DERPC: variants seen among roughly 807,000 people sequenced by gnomAD.
DERPC encodes decreased expression in renal and prostate cancer protein.
In DERPC, 1 loss-of-function variant was observed where a neutral mutation model predicts 7.2. That is an observed-to-expected ratio of 0.14 (90% CI 0.05 to 0.66). The LOEUF (loss-of-function observed/expected upper bound fraction) is 0.66. DERPC is among the 30% of genes least tolerant of loss of function. DERPC has a pLI of 0.84. For missense variants in DERPC, 502 were observed against 299.4 expected (o/e 1.68, Z -4.99); for synonymous variants, 185 against 117.6 (o/e 1.57, Z -3.71).
At position 69,118,398 on chromosome 16, in the gene DERPC, C is replaced by G; in HGVS notation, c.*456G>C. 6.2e-7 allele frequency: 1 copy of G among 1,613,126 alleles called. No homozygotes were observed. The highest frequency in any genetic ancestry group is 8.5e-7 in the Non-Finnish European group (1 of 1,179,126). ...GCAGTAGAGGATGACCAGGTCCAAG[C>G]TGCCCAGGTCAGAGCTACGGAAGCA... is the stretch of plus-strand genomic sequence containing the variant. On this transcript the variant is annotated 3_prime_UTR_variant, in exon 3 of 3. Transcript: ENST00000519520.
rs867105113 is a variant in DERPC at position 69,132,319 on chromosome 16, C to T, written c.-280+165G>A. 1.5e-3 allele frequency among the ~76,000 whole-genome samples: 218 copies of T among 147,366 alleles called. 1 individual carries two copies. Among genetic ancestry groups the T allele is most frequent in the Middle Eastern group, 0.014 (4 of 282 alleles). On this transcript the variant is annotated intron_variant, in intron 1 of 2. Transcript: ENST00000519520. The stretch of plus-strand genomic sequence containing the variant: ...GCCCTCCCCCTTCCCGGCCACCCCT[C>T]CCCCGCCCGCGCTCCCCGCCCCTCG...
Position 69,119,498 on chromosome 16 carries a change from C to T in DERPC, c.931G>A (p.Gly311Ser). 1.4e-6 allele frequency: 1 copy of T among 703,038 alleles called. No individual in the cohort carries two copies. Among genetic ancestry groups the T allele is most frequent in the South Asian group, 1.5e-5 (1 of 67,598 alleles). 43.5% of individuals were successfully genotyped at this position (703,038 alleles called of 1,614,324 possible). The stretch of plus-strand genomic sequence containing the variant: ...GGACCCGAGTTTGGGCCCATGGGGC[C>T]AGGTACTCTTGCCATGGAGGATGGG... ...TSPSSMARVP[G>S]PMGPNSGPSS... Residue 311 changes from glycine to serine, a missense_variant, in exon 3 of 3, where the codon GGC (glycine) becomes AGC (serine). Coordinates refer to ENST00000519520, the MANE Select transcript of DERPC (RefSeq NM_001002847.4).
intron 1 of DERPC, among the ~76,000 whole-genome samples, chr16:69,122,365 C>CTT (rs869246617): frequency 1.2e-4 from 17 of 140,430 alleles, no homozygotes; most frequent in Non-Finnish European, 1.7e-4. Flanking sequence ...TAAGGATATT[C>CTT]TTTTTTTTTT....
Position 69,125,210 on chromosome 16 carries a change from C to T in DERPC, c.-279-3717G>A, listed in dbSNP as rs543986814. ...TGAGTCATTGCGCCCGGCCAACTCA[C>T]TAGACTTTTTAAATTCAAATATAAG... On this transcript the variant is annotated intron_variant, in intron 1 of 2. Coordinates refer to ENST00000519520, the MANE Select transcript of DERPC (RefSeq NM_001002847.4). Among the ~76,000 whole-genome samples the T allele has an allele frequency of 3.9e-5, 6 of 152,294 alleles. No individual in the cohort carries two copies. The South Asian group carries it at 1.2e-3, about 32-fold the overall frequency.
At chr16:69,123,168 T>C (rs1310189403) in intron 1 of DERPC, among the ~76,000 whole-genome samples, 1 of 152,132 alleles carries the variant, frequency 6.6e-6, no homozygotes, top group Non-Finnish European at 1.5e-5. Context: ...GTGATCCTCC[T>C]ACCTCAGCTT....
Position 69,120,192 on chromosome 16 carries a change from CAATGAGCCT to C in DERPC, c.228_236del (p.Gly77_Leu79del), listed in dbSNP as rs1961529236. 1.4e-6 allele frequency: 1 copy of C among 701,990 alleles called. No homozygotes were observed. The highest frequency in any genetic ancestry group is 1.7e-5 in the African/African-American group (1 of 57,216). 43.5% of individuals were successfully genotyped at this position (701,990 alleles called of 1,614,324 possible). On this transcript the variant is annotated inframe_deletion, in exon 3 of 3. Transcript: ENST00000519520. The surrounding 1 kb of genome is among the most constrained non-coding windows in gnomAD (Gnocchi z 4.0). ...CCGGGAAAGGTGCTGGATTTGAAGC[CAATGAGCCT>C]GATGAAGCTGGAAAAGGAGATGGGT...
Position 69,121,293 on chromosome 16 carries a change from CA to C in DERPC, c.-222+142del, listed in dbSNP as rs2152266925. 3 of 1,213,184 alleles carry C rather than the reference CA, an allele frequency of 2.5e-6. No homozygotes were observed. The Admixed American group carries it at 6.4e-5, about 26-fold the overall frequency. 75.2% of individuals were successfully genotyped at this position (1,213,184 alleles called of 1,614,324 possible). A position where few individuals can be genotyped will look rare whatever the true frequency, so the allele number is the denominator to read the frequency against. ...GATGTCAAGTTCTTGGGAAATTGGG[CA>C]GTGCTAGGCATGGAACTAGAGATCA... On this transcript the variant is annotated intron_variant, in intron 2 of 2. Coordinates refer to ENST00000519520, the MANE Select transcript of DERPC (RefSeq NM_001002847.4).
intron 1 of DERPC, among the ~76,000 whole-genome samples, chr16:69,122,100 A>C (rs1254273121): frequency 6.6e-6 from 1 of 151,998 alleles, no homozygotes; most frequent in Non-Finnish European, 1.5e-5. Flanking sequence ...ACTAATATTT[A>C]TTACTTACTG....
chr16:69,129,939 T>C (rs1163623937), intron 1 of DERPC, among the ~76,000 whole-genome samples: 1 of 152,256 alleles, frequency 6.6e-6, no homozygotes, highest in Non-Finnish European at 1.5e-5. Flanking sequence ...TTGAAACTTT[T>C]AGAAAAATCT....
rs2152266508 is a variant in DERPC at position 69,120,733 on chromosome 16, G to T, written c.-221-84C>A. On this transcript the variant is annotated intron_variant, in intron 2 of 2. Coordinates refer to ENST00000519520, the MANE Select transcript of DERPC (RefSeq NM_001002847.4). The surrounding 1 kb of genome is among the most constrained non-coding windows in gnomAD (Gnocchi z 4.0). Reference sequence around the variant, plus strand: ...CGCCTCCTAAAGCTGCTCTTGGCAGGCTATGCTGGCACCTCCAATCCCTGG... The same window carrying T: ...CGCCTCCTAAAGCTGCTCTTGGCAGTCTATGCTGGCACCTCCAATCCCTGG... 1.7e-6 allele frequency: 2 copies of T among 1,192,388 alleles called. No homozygotes were observed. The highest frequency in any genetic ancestry group is 2.4e-6 in the Non-Finnish European group (2 of 827,302). 73.9% of individuals were successfully genotyped at this position (1,192,388 alleles called of 1,614,324 possible). A position where few individuals can be genotyped will look rare whatever the true frequency, so the allele number is the denominator to read the frequency against.
In DERPC at chr16:69,120,652, T is replaced by C. The variant is rs1961584365; in HGVS notation, c.-221-3A>G. The stretch of plus-strand genomic sequence containing the variant: ...CCCACGATCAGCACAGGGATTCCCT[T>C]TGGCAGAACAAGAACGAGATTCCTG... On this transcript the variant is annotated splice_region_variant and splice_polypyrimidine_tract_variant and intron_variant, in intron 2 of 2. Transcript: ENST00000519520. This position sits in a 1 kb window ranked among gnomAD's most constrained non-coding sequence, Gnocchi z 4.0. 6.2e-7 allele frequency: 1 copy of C among 1,604,276 alleles called. No individual in the cohort carries two copies. The highest frequency in any genetic ancestry group is 8.5e-7 in the Non-Finnish European group (1 of 1,172,284).
In DERPC at chr16:69,132,501, G is replaced by A; in HGVS notation, c.-297C>T. The A allele has an allele frequency of 3.7e-6, 1 of 268,602 alleles. No homozygotes were observed. Among genetic ancestry groups the A allele is most frequent in the Non-Finnish European group, 7.1e-6 (1 of 140,130 alleles). 16.6% of individuals were successfully genotyped at this position (268,602 alleles called of 1,614,324 possible). A position where few individuals can be genotyped will look rare whatever the true frequency, so the allele number is the denominator to read the frequency against. Reference sequence around the variant, plus strand: ...GGCCTGACCTGCAATGGCGGCCGCCGAGCGCGGCGCCGCGCGGCCAACGGG... The same window carrying A: ...GGCCTGACCTGCAATGGCGGCCGCCAAGCGCGGCGCCGCGCGGCCAACGGG... On this transcript the variant is annotated 5_prime_UTR_variant, in exon 1 of 3. Coordinates refer to ENST00000519520, the MANE Select transcript of DERPC (RefSeq NM_001002847.4).
rs1483483183 is a variant in DERPC at position 69,119,500 on chromosome 16, G to A, written c.929C>T (p.Pro310Leu). Residue 310 changes from proline (P) to leucine (L), a missense_variant, in exon 3 of 3, where the codon CCT becomes CTT. Transcript: ENST00000519520. ...ACCCGAGTTTGGGCCCATGGGGCCA[G>A]GTACTCTTGCCATGGAGGATGGGCT... ...GTSPSSMARV[P>L]GPMGPNSGPS... The A allele has an allele frequency of 1.4e-6, 1 of 702,650 alleles. No individual in the cohort carries two copies. Among genetic ancestry groups the A allele is most frequent in the Non-Finnish European group, 2.6e-6 (1 of 384,944 alleles). The allele number at this position is 702,650 out of a possible 1,614,324, so 43.5% of individuals were successfully genotyped here.
chr16:69,118,562 G>T lies in DERPC; in HGVS notation c.*292C>A. ...TCCACAAGAACAATTCAAGAAACTAGTAAGAAACAATGGGCAGAAAGCTGT... is the reference window on the plus strand; with the variant it reads ...TCCACAAGAACAATTCAAGAAACTATTAAGAAACAATGGGCAGAAAGCTGT... On this transcript the variant is annotated 3_prime_UTR_variant, in exon 3 of 3. Coordinates refer to ENST00000519520, the MANE Select transcript of DERPC (RefSeq NM_001002847.4). The T allele has an allele frequency of 1.3e-6, 1 of 788,032 alleles. No individual in the cohort carries two copies. The highest frequency in any genetic ancestry group is 2.3e-6 in the Non-Finnish European group (1 of 443,910). The allele number at this position is 788,032 out of a possible 1,614,324, so 48.8% of individuals were successfully genotyped here. A position where few individuals can be genotyped will look rare whatever the true frequency, so the allele number is the denominator to read the frequency against.
chr16:69,120,643 G>C lies in DERPC; in HGVS notation c.-215C>G, dbSNP rs776752545. ...ATATGATGCCCCACGATCAGCACAG[G>C]GATTCCCTTTGGCAGAACAAGAACG... On this transcript the variant is annotated 5_prime_UTR_variant, in exon 3 of 3. Transcript: ENST00000519520. The surrounding 1 kb of genome is among the most constrained non-coding windows in gnomAD (Gnocchi z 4.0). 2.5e-6 allele frequency: 4 copies of C among 1,608,224 alleles called. No individual in the cohort carries two copies. The South Asian group carries it at 4.4e-5, about 18-fold the overall frequency.
intron 1 of DERPC, among the ~76,000 whole-genome samples, chr16:69,130,218 A>C (rs1313299504): frequency 6.6e-6 from 1 of 152,222 alleles, no homozygotes; most frequent in African/African-American, 2.4e-5. Flanking sequence ...AACCGAACAT[A>C]TGGCTTATAG....
Position 69,128,832 on chromosome 16 carries a change from A to G in DERPC, c.-280+3652T>C, listed in dbSNP as rs143005352. ...TATAATCCCAGCACTTTGGGAGCCC[A>G]AGGCGGGTAGATCATGAAGTCATGA... On this transcript the variant is annotated intron_variant, in intron 1 of 2. Coordinates refer to ENST00000519520, the MANE Select transcript of DERPC (RefSeq NM_001002847.4). 7.6e-3 allele frequency among the ~76,000 whole-genome samples: 1,162 copies of G among 151,922 alleles called. 17 individuals carry two copies. Among genetic ancestry groups the G allele is most frequent in the African/African-American group, 0.025 (1,046 of 41,444 alleles).
intron 1 of DERPC, among the ~76,000 whole-genome samples, chr16:69,125,814 G>C (rs1332135471): frequency 2.0e-5 from 3 of 152,182 alleles, no homozygotes; most frequent in African/African-American, 7.2e-5. Context: ...TGTAAGTGTG[G>C]ACCTCTTTAC....
At chr16:69,126,131 G>T (rs888213976) in intron 1 of DERPC, among the ~76,000 whole-genome samples, 3 of 152,184 alleles carry the variant, frequency 2.0e-5, no homozygotes. Flanking sequence ...GGGTACAAGT[G>T]ACAGTAAAAT....
Sources: allele counts gnomAD v4.1 joint callset (sites outside exome capture counted in the v4.1 genomes callset), GRCh38; gene constraint gnomAD v4.1.1; non-coding constraint Gnocchi (gnomAD v3.1); transcripts MANE v1.5; gene names NCBI Gene and HGNC (gene_info 2026-07-23, HGNC 2026-07-21).